The following KLKB1 variants were observed in gnomAD, a reference collection of about 807,000 sequenced individuals.
KLKB1 encodes the protein kallikrein B1.
A neutral mutation model predicts 73.6 loss-of-function variants in KLKB1; 58 were observed. The observed-to-expected ratio is 0.79, with a 90% confidence interval of 0.64 to 0.98. The LOEUF (loss-of-function observed/expected upper bound fraction) is 0.98, where lower values mean the gene tolerates loss of function less well. Ranked by LOEUF, KLKB1 falls within the 50% of genes least tolerant of loss-of-function variation. KLKB1 has a pLI of 0.00. For missense variants in KLKB1, 737 were observed against 763.8 expected (o/e 0.96, Z 0.41); for synonymous variants, 280 against 258.1 (o/e 1.08, Z -0.81).
chr4:186,245,851 A>G (rs1738318625), intron 6 of KLKB1, among the ~76,000 whole-genome samples: 1 of 126,314 alleles, frequency 7.9e-6, no homozygotes, highest in African/African-American at 2.9e-5. Context: ...TCAGGAGCTG[A>G]CTGGGTGATA....
At chr4:186,257,392 A>C in intron 14 of KLKB1, 27 bp downstream of exon 14, 3 of 1,555,808 alleles carry the variant, frequency 1.9e-6, no homozygotes, top group Non-Finnish European at 2.6e-6. Flanking sequence ...TGAAAAACAC[A>C]ATAGGCTGCT....
rs1250496178 is a variant in KLKB1, at chr4:186,258,249, A to C, written c.*37A>C. 3 of 1,575,976 alleles carry C rather than the reference A, an allele frequency of 1.9e-6. No individual in the cohort carries two copies. Among genetic ancestry groups the C allele is most frequent in the Non-Finnish European group, 8.7e-7 (1 of 1,151,436 alleles). The stretch of plus-strand genomic sequence containing the variant: ...GAGTCTAGGCAATTTTTACAACCTG[A>C]GTTCAAGTCAAATTCTGAGCCTGGG... On this transcript the variant is annotated 3_prime_UTR_variant, in exon 15 of 15. Coordinates refer to ENST00000264690, the MANE Select transcript of KLKB1 (RefSeq NM_000892.5).
At position 186,236,863 on chromosome 4, in the gene KLKB1, C is replaced by A. The variant is rs750211017; in HGVS notation, c.411C>A (p.Cys137Ter). The change falls in exon 5 of 15, where the codon TGC becomes TGA. Residue 137 changes from cysteine (C) to a stop codon, truncating the protein, a stop_gained. Transcript: ENST00000264690. LOFTEE classifies it high-confidence loss of function. ...CTAAGGTTAGCAGTGTTGAAGAATG[C>A]CAAAAAAGGTGCACCAGTAACATTC... ...NVSKVSSVEE[C>*]QKRCTSNIRC... is the part of the protein sequence containing the mutation. The A allele has an allele frequency of 1.2e-6, 2 of 1,613,642 alleles. No individual in the cohort carries two copies. The highest frequency in any genetic ancestry group is 1.7e-6 in the Non-Finnish European group (2 of 1,179,786).
intron 5 of KLKB1, 72 bp downstream of exon 5, chr4:186,237,012 T>C: frequency 6.6e-7 from 1 of 1,514,212 alleles, no homozygotes; most frequent in Non-Finnish European, 9.2e-7. Flanking sequence ...TCTTAACCTC[T>C]TTTGTTCCCA....
At chr4:186,233,899 C>T in intron 3 of KLKB1, 53 bp from the exon 4 acceptor site, 1 of 1,240,046 alleles carries the variant, frequency 8.1e-7, no homozygotes, top group Non-Finnish European at 1.2e-6. Context: ...CTAGACATTT[C>T]CTCAATGTAT....
In KLKB1 at chr4:186,240,509, A is replaced by G. The variant is rs139687572; in HGVS notation, c.598+2144A>G. ...CGTTTCACACATAAAGGTAATTTCA[A>G]TGGAATTATCCAGAAAATTGCCATG... On this transcript the variant is annotated intron_variant, in intron 6 of 14. Transcript: ENST00000264690. Among the ~76,000 whole-genome samples, 25 of 152,314 alleles carry G rather than the reference A, an allele frequency of 1.6e-4. No individual in the cohort carries two copies. In the East Asian group the frequency reaches 4.8e-3, roughly 29 times the overall value.
chr4:186,253,985 G>A lies in KLKB1; in HGVS notation c.1314-603G>A, dbSNP rs187225960. ...TGAGTAGCTGGGATTACAGGCGCGC[G>A]CCACACCTGGCTAATTTTTGTATTT... On this transcript the variant is annotated intron_variant, in intron 11 of 14. Transcript: ENST00000264690. Among the ~76,000 whole-genome samples the A allele has an allele frequency of 8.2e-3, 1,239 of 151,988 alleles. 10 individuals carry two copies. Among genetic ancestry groups the A allele is most frequent in the Admixed American group, 0.025 (383 of 15,278 alleles).
chr4:186,245,692 C>T lies in KLKB1; in HGVS notation c.599-4551C>T, dbSNP rs183411811. Among the ~76,000 whole-genome samples the T allele has an allele frequency of 2.1e-3, 319 of 152,082 alleles. 3 individuals are homozygous for T. The highest frequency in any genetic ancestry group is 7.4e-3 in the African/African-American group (309 of 41,506). ...TTGTCTCACAGCAGAGGCAAGGAAT[C>T]GCAACTCAGAAATACATTGCTACTT... is the stretch of plus-strand genomic sequence containing the variant. On this transcript the variant is annotated intron_variant, in intron 6 of 14. Transcript: ENST00000264690.
intron 6 of KLKB1, among the ~76,000 whole-genome samples, chr4:186,240,050 A>G (rs1027733174): frequency 1.4e-4 from 21 of 150,846 alleles, no homozygotes; most frequent in Non-Finnish European, 2.7e-4. Flanking sequence ...GTTGTAGGAC[A>G]GTGATATTGT....
chr4:186,258,167 A>T lies in KLKB1; in HGVS notation c.1872A>T (p.Lys624Asn). The change falls in exon 15 of 15, where the codon AAA (lysine) becomes AAT (asparagine). Residue 624 changes from lysine (K) to asparagine (N), a missense_variant. Lys to Asn is a moderately conservative substitution (Grantham distance 94). Coordinates refer to ENST00000264690, the MANE Select transcript of KLKB1 (RefSeq NM_000892.5). ...AGTACATGGACTGGATTTTAGAGAA[A>T]ACACAGAGCAGTGATGGAAAAGCTC... ...VAEYMDWILE[K>N]TQSSDGKAQM... 6.2e-7 allele frequency: 1 copy of T among 1,614,154 alleles called. No individual in the cohort carries two copies. Among genetic ancestry groups the T allele is most frequent in the East Asian group, 2.2e-5 (1 of 44,872 alleles).
chr4:186,244,391 G>A (rs4253285), intron 6 of KLKB1, among the ~76,000 whole-genome samples: 20,180 of 152,044 alleles, frequency 0.13, 1,510 homozygotes, highest in Middle Eastern at 0.21. Flanking sequence ...GAGAGCACAT[G>A]TGTTTTCATG....
intron 6 of KLKB1, among the ~76,000 whole-genome samples, chr4:186,245,728 A>G (rs1272185878): frequency 6.6e-6 from 1 of 150,766 alleles, no homozygotes; most frequent in Non-Finnish European, 1.5e-5. Context: ...GGCTGCCTCT[A>G]TTATTGTACA....
intron 5 of KLKB1, among the ~76,000 whole-genome samples, chr4:186,237,692 G>A (rs1180964042): frequency 6.6e-6 from 1 of 151,944 alleles, no homozygotes; most frequent in Non-Finnish European, 1.5e-5. Flanking sequence ...ATAGATGTAT[G>A]GGGTACAAGT....
At chr4:186,220,940 A>G (rs1737020028) in intron 2 of KLKB1, among the ~76,000 whole-genome samples, 5 of 152,014 alleles carry the variant, frequency 3.3e-5, no homozygotes, top group Admixed American at 3.3e-4. Context: ...TCAGGTGCTG[A>G]GCTTTTCTTA....
chr4:186,212,553 T>TA (rs1217663755), intron 2 of KLKB1: 1 of 152,260 alleles, frequency 6.6e-6, no homozygotes, highest in Non-Finnish European at 1.5e-5. Context: ...ATTACCTTTA[T>TA]ATATCATATG....
chr4:186,232,061 C>T (rs1348809966), intron 2 of KLKB1, 66 bp from the exon 3 acceptor site: 1 of 1,333,256 alleles, frequency 7.5e-7, no homozygotes, highest in Non-Finnish European at 1.0e-6. Flanking sequence ...GTTAAGACAA[C>T]AGATATCTTT....
chr4:186,256,773 C>A (rs1047277988), intron 13 of KLKB1, among the ~76,000 whole-genome samples: 1 of 151,820 alleles, frequency 6.6e-6, no homozygotes, highest in Non-Finnish European at 1.5e-5. Context: ...ATATATAAAG[C>A]AAAAAAATGA....
upstream of KLKB1, among the ~76,000 whole-genome samples, chr4:186,225,581 A>C (rs1737140359): frequency 6.6e-6 from 1 of 151,544 alleles, no homozygotes; most frequent in South Asian, 2.1e-4. Flanking sequence ...ACAGGTGCCC[A>C]CCACCACGCC....
At chr4:186,249,704 A>G (rs934530370) in intron 6 of KLKB1, among the ~76,000 whole-genome samples, 5 of 152,218 alleles carry the variant, frequency 3.3e-5, no homozygotes, top group Admixed American at 6.5e-5. Context: ...ATGAGTATCA[A>G]TGGAATTATG....
Sources: gnomAD v4.1 joint callset for allele counts (sites outside exome capture counted in the v4.1 genomes callset) on GRCh38, gnomAD v4.1.1 for gene constraint, MANE v1.5 for transcripts, NCBI Gene and HGNC (gene_info 2026-07-23, HGNC 2026-07-21) for gene names.